NELFB: variants seen among roughly 807,000 people sequenced by gnomAD.
NELFB encodes the protein negative elongation factor complex member B.
Under a neutral mutation model 60.2 loss-of-function variants are expected in NELFB, and 34 were observed. The ratio of observed to expected loss-of-function variants is 0.56; its 90% CI spans 0.43 to 0.75. NELFB has a LOEUF of 0.75. NELFB is among the 30% of genes least tolerant of loss of function. NELFB has a pLI of 0.00. For synonymous variants in NELFB, 459 were observed against 382.1 expected (o/e 1.20, Z -2.35); for missense variants, 770 against 831.6 (o/e 0.93, Z 0.91).
chr9:137,255,929 C>T lies in NELFB; in HGVS notation c.269C>T (p.Pro90Leu), dbSNP rs765088216. 3.7e-6 allele frequency: 6 copies of T among 1,614,050 alleles called. No homozygotes were observed. The highest frequency in any genetic ancestry group is 5.1e-6 in the Non-Finnish European group (6 of 1,180,016). ...CAGACAGAGAATGGTGTGCTGCTGCCATCTCTTCAGTCAGCCCTCCCCTTC... is the reference window on the plus strand; with the variant it reads ...CAGACAGAGAATGGTGTGCTGCTGCTATCTCTTCAGTCAGCCCTCCCCTTC... The change falls in exon 2 of 13, where the codon CCA becomes CTA. Residue 90 changes from proline (P) to leucine (L), a missense_variant. By Grantham distance (98) the Pro-to-Leu change is moderately conservative. Coordinates refer to ENST00000343053, the MANE Select transcript of NELFB (RefSeq NM_015456.5).
At chr9:137,271,893 CCT>C (rs752643082) in intron 10 of NELFB, among the ~76,000 whole-genome samples, 186 bp from the exon 11 acceptor site, 3 of 151,534 alleles carry the variant, frequency 2.0e-5, no homozygotes, top group Non-Finnish European at 2.9e-5. Flanking sequence ...GGTCCCACCC[CCT>C]GCCTGCCTCT....
chr9:137,256,915 A>T lies in NELFB; in HGVS notation c.602A>T (p.Asn201Ile). Residue 201 changes from asparagine to isoleucine, a missense_variant, in exon 4 of 13, where the codon AAC (asparagine) becomes ATC (isoleucine). By Grantham distance (149) the Asn-to-Ile change is moderately radical. Transcript: ENST00000343053. ...GTGAAGCGGCAGATCTGGCAAGACA[A>T]CCAGGCCCTCTTCGGGGACGAGGTT... 6.2e-7 allele frequency: 1 copy of T among 1,614,210 alleles called. No homozygotes were observed. The highest frequency in any genetic ancestry group is 8.5e-7 in the Non-Finnish European group (1 of 1,180,046).
chr9:137,255,603 C>G lies in NELFB; in HGVS notation c.238C>G (p.Gln80Glu). The G allele has an allele frequency of 1.3e-6, 2 of 1,548,882 alleles. No homozygotes were observed. Among genetic ancestry groups the G allele is most frequent in the Non-Finnish European group, 1.7e-6 (2 of 1,146,574 alleles). Residue 80 changes from glutamine to glutamate, a missense_variant, in exon 1 of 13, where the codon CAG becomes GAG. By Grantham distance (29) the Gln-to-Glu change is conservative (BLOSUM62 2). Coordinates refer to ENST00000343053, the MANE Select transcript of NELFB (RefSeq NM_015456.5). ...CACGGAGCCGCTCAAGGCCATCGAG[C>G]AGTTCCAGGTGGGGCGGCCCCCGGG...
At chr9:137,257,769 T>C (rs1837579344) in intron 4 of NELFB, among the ~76,000 whole-genome samples, 1 of 150,640 alleles carries the variant, frequency 6.6e-6, no homozygotes, top group African/African-American at 2.4e-5. Context: ...CCCAAAGTGC[T>C]GGGATTACAG....
At chr9:137,262,021 T>C (rs1320580542) in intron 4 of NELFB, among the ~76,000 whole-genome samples, 1 of 152,012 alleles carries the variant, frequency 6.6e-6, no homozygotes, top group Admixed American at 6.6e-5. Flanking sequence ...CTTACGCCGT[T>C]ATTTCTGCGT....
chr9:137,265,387 C>CTTTTTTTTTT lies in NELFB; in HGVS notation c.1041-480_1041-471dup, dbSNP rs66744887. 3.3e-3 allele frequency among the ~76,000 whole-genome samples: 300 copies of CTTTTTTTTTT among 91,834 alleles called. 13 individuals carry two copies. Among genetic ancestry groups the CTTTTTTTTTT allele is most frequent in the East Asian group, 3.8e-3 (10 of 2,616 alleles). 60.2% of individuals were successfully genotyped at this position (91,834 alleles called of 152,430 possible). A position where few individuals can be genotyped will look rare whatever the true frequency, so the allele number is the denominator to read the frequency against. On this transcript the variant is annotated intron_variant, in intron 6 of 12. Transcript: ENST00000343053. The stretch of plus-strand genomic sequence containing the variant: ...TTAAGGACAAATTGCAAACCTTAAG[C>CTTTTTTTTTT]TTTTTTTTTTTTTTTTTTTGAGACA...
chr9:137,271,962 C>T, intron 10 of NELFB, 119 bp from the exon 11 acceptor site: 2 of 1,300,652 alleles, frequency 1.5e-6, no homozygotes, highest in South Asian at 1.3e-5. Flanking sequence ...CATCTCAGAA[C>T]AACTGAGAAC....
At chr9:137,264,005 C>T (rs556083149) in intron 5 of NELFB, among the ~76,000 whole-genome samples, 5 of 152,208 alleles carry the variant, frequency 3.3e-5, no homozygotes, top group East Asian at 1.9e-4. Context: ...CTCAGGGTGC[C>T]ATGAAGGAGT....
intron 4 of NELFB, among the ~76,000 whole-genome samples, 164 bp from the exon 5 acceptor site, chr9:137,262,873 A>T (rs906133842): frequency 6.6e-6 from 1 of 152,234 alleles, no homozygotes; most frequent in African/African-American, 2.4e-5. Flanking sequence ...ACCTGCTACC[A>T]TCAGACTGGG....
At position 137,264,292 on chromosome 9, in the gene NELFB, C is replaced by T; in HGVS notation, c.975C>T (p.Ser325=). 6.2e-7 allele frequency: 1 copy of T among 1,605,288 alleles called. No individual in the cohort carries two copies. The highest frequency in any genetic ancestry group is 8.5e-7 in the Non-Finnish European group (1 of 1,177,000). Residue 325 remains serine (S), a synonymous_variant, in exon 6 of 13, where the codon AGC becomes AGT. Coordinates refer to ENST00000343053, the MANE Select transcript of NELFB (RefSeq NM_015456.5). ...GCATCCGAGAGCGGTTCGTGGACAG[C>T]AAGAGGGCGCGGGAGCTGCAGGGGT...
chr9:137,262,952 G>A, intron 4 of NELFB, 85 bp from the exon 5 acceptor site: 1 of 1,452,660 alleles, frequency 6.9e-7, no homozygotes, highest in Non-Finnish European at 9.5e-7. Flanking sequence ...TCCAGAGAGA[G>A]GGCCGCGCTG....
rs961067979 is a variant in NELFB at position 137,262,957 on chromosome 9, G to A, written c.742-80G>A. ...AGGACAGATGTCCAGAGAGAGGGCC[G>A]CGCTGTCGCCGGGCGTGACGTCCCT... On this transcript the variant is annotated intron_variant, in intron 4 of 12. Transcript: ENST00000343053. 22 of 1,491,374 alleles carry A rather than the reference G, an allele frequency of 1.5e-5. No homozygotes were observed. In the African/African-American group the frequency reaches 1.5e-4, roughly 10 times the overall value. The allele number at this position is 1,491,374 out of a possible 1,614,324, so 92.4% of individuals were successfully genotyped here.
intron 3 of NELFB, 101 bp from the exon 4 acceptor site, chr9:137,256,723 T>G: frequency 1.8e-6 from 2 of 1,098,632 alleles, no homozygotes; most frequent in Non-Finnish European, 2.7e-6. Flanking sequence ...GGGTGGAGCT[T>G]AGCTCGAGGT....
rs751060036 is a variant in NELFB at position 137,267,011 on chromosome 9, A to G, written c.1307A>G (p.Asn436Ser). Residue 436 changes from asparagine (N) to serine (S), a missense_variant, in exon 9 of 13, where the codon AAT becomes AGT. Transcript: ENST00000343053. ...TTCCTGGTGGATGACTACACTTTCA[A>G]TGTGGATCAGAAACTTCCGGCTGAG... 173 of 1,613,902 alleles carry G rather than the reference A, an allele frequency of 1.1e-4. 1 individual carries two copies. The highest frequency in any genetic ancestry group is 1.3e-4 in the Non-Finnish European group (154 of 1,180,002).
At chr9:137,255,664 C>A in intron 1 of NELFB, 53 bp downstream of exon 1, 1 of 1,507,768 alleles carries the variant, frequency 6.6e-7, no homozygotes, top group Non-Finnish European at 8.9e-7. Flanking sequence ...GGGCCGCCTG[C>A]TCGGGAGTCG....
At position 137,269,123 on chromosome 9, in the gene NELFB, G is replaced by T. The variant is rs1483460134; in HGVS notation, c.1489+1777G>T. 6.6e-6 allele frequency among the ~76,000 whole-genome samples: 1 copy of T among 150,458 alleles called. No homozygotes were observed. Among genetic ancestry groups the T allele is most frequent in the Admixed American group, 6.6e-5 (1 of 15,084 alleles). ...TGCCTATTGTGTTTCTCGGTGGCTG[G>T]TGTGTTTGAGGATGGCGCGTGCATG... On this transcript the variant is annotated intron_variant, in intron 10 of 12. Coordinates refer to ENST00000343053, the MANE Select transcript of NELFB (RefSeq NM_015456.5). The surrounding 1 kb of genome is among the most constrained non-coding windows in gnomAD (Gnocchi z 5.3).
chr9:137,270,970 C>G (rs1181218429), intron 10 of NELFB, among the ~76,000 whole-genome samples: 1 of 152,260 alleles, frequency 6.6e-6, no homozygotes, highest in East Asian at 1.9e-4. Context: ...CACATCTGAG[C>G]CAGGTTCACT....
Position 137,267,300 on chromosome 9 carries a change from C to T in NELFB, c.1443C>T (p.Thr481=), listed in dbSNP as rs1159982566. 1 of 1,613,554 alleles carries T rather than the reference C, an allele frequency of 6.2e-7. No homozygotes were observed. The highest frequency in any genetic ancestry group is 8.5e-7 in the Non-Finnish European group (1 of 1,179,864). ...GGCTGTACTACGTCCTGCACATCAC[C>T]AAGCAGAGGAACAAGAACGCGCTCC... The change falls in exon 10 of 13, where the codon ACC becomes ACT. Residue 481 remains threonine, a synonymous_variant. Coordinates refer to ENST00000343053, the MANE Select transcript of NELFB (RefSeq NM_015456.5).
chr9:137,264,309 T>C lies in NELFB; in HGVS notation c.992T>C (p.Leu331Pro), dbSNP rs1156362240. Residue 331 changes from leucine (L) to proline (P), a missense_variant, in exon 6 of 13, where the codon CTG becomes CCG. By Grantham distance (98) the Leu-to-Pro change is moderately conservative. Coordinates refer to ENST00000343053, the MANE Select transcript of NELFB (RefSeq NM_015456.5). ...GTGGACAGCAAGAGGGCGCGGGAGC[T>C]GCAGGGGTTTCTCGATGGCGTCAAG... 6.2e-7 allele frequency: 1 copy of C among 1,604,014 alleles called. No homozygotes were observed. Among genetic ancestry groups the C allele is most frequent in the Admixed American group, 1.7e-5 (1 of 58,362 alleles).
Sources: allele counts gnomAD v4.1 joint callset (sites outside exome capture counted in the v4.1 genomes callset), GRCh38; gene constraint gnomAD v4.1.1; non-coding constraint Gnocchi (gnomAD v3.1); transcripts MANE v1.5; gene names NCBI Gene and HGNC (gene_info 2026-07-23, HGNC 2026-07-21).